Variants in CNTN1 observed in about 807,000 individuals in gnomAD.
The protein encoded by CNTN1 is contactin 1.
A neutral mutation model predicts 126.4 loss-of-function variants in CNTN1; 38 were observed. That is an observed-to-expected ratio of 0.30 (90% CI 0.23 to 0.39). CNTN1 has a LOEUF of 0.39. CNTN1 is among the 10% of genes least tolerant of loss of function. CNTN1 has a pLI of 1.00. For missense variants in CNTN1, 1,009 were observed against 1,248.4 expected, an observed-to-expected ratio of 0.81 and a Z score of 2.89; for synonymous variants, 413 against 422.6, an observed-to-expected ratio of 0.98 and a Z score of 0.28.
Position 41,043,892 on chromosome 12 carries a change from C to T in CNTN1, c.2980+14673C>T, listed in dbSNP as rs533581361. On this transcript the variant is annotated intron_variant, in intron 23 of 23. Coordinates refer to ENST00000551295, the MANE Select transcript of CNTN1 (RefSeq NM_001843.4). ...GAAATCATCATTCTCAGTAAACTAT[C>T]GCAAGGACAAAAAACCAAACACCGC... Among the ~76,000 whole-genome samples the T allele has an allele frequency of 4.8e-5, 7 of 147,282 alleles. No homozygotes were observed. The South Asian group carries it at 6.6e-4, about 14-fold the overall frequency.
intron 17 of CNTN1, among the ~76,000 whole-genome samples, chr12:41,010,797 A>C (rs1948628928): frequency 6.6e-6 from 1 of 152,006 alleles, no homozygotes; most frequent in South Asian, 2.1e-4. Flanking sequence ...AGGCCCTCCA[A>C]TATGTGCATT....
intron 1 of CNTN1, among the ~76,000 whole-genome samples, chr12:40,865,948 C>T (rs75755957): frequency 0.098 from 14,852 of 151,974 alleles, 853 homozygotes; most frequent in Non-Finnish European, 0.13. Flanking sequence ...TTCTGAACAA[C>T]GAACATAAGA....
chr12:41,060,184 C>CA (rs1308929949), intron 23 of CNTN1, among the ~76,000 whole-genome samples: 3 of 151,972 alleles, frequency 2.0e-5, no homozygotes, highest in Non-Finnish European at 4.4e-5. Flanking sequence ...CCAGTCTCCA[C>CA]AAAAAAAGAG....
intron 1 of CNTN1, among the ~76,000 whole-genome samples, chr12:40,866,921 CT>C (rs1178402034): frequency 6.6e-6 from 1 of 152,108 alleles, no homozygotes; most frequent in Non-Finnish European, 1.5e-5. Context: ...TTTGTGAAGT[CT>C]TTCTGTGCAG....
rs201821165 is a variant in CNTN1 at position 40,809,875 on chromosome 12, ACT to A, written c.-76-98479_-76-98478del. On this transcript the variant is annotated intron_variant, in intron 1 of 23. Transcript: ENST00000551295. ...AAAAGTCAAAACTCATTTGTAAATGACTCTATATATTTGGAGAATTTTACAAC... is the reference window on the plus strand; with the variant it reads ...AAAAGTCAAAACTCATTTGTAAATGACTATATATTTGGAGAATTTTACAAC... Among the ~76,000 whole-genome samples, 552 of 150,430 alleles carry A rather than the reference ACT, an allele frequency of 3.7e-3. 6 individuals are homozygous for A. The highest frequency in any genetic ancestry group is 0.013 in the African/African-American group (526 of 40,902).
intron 19 of CNTN1, among the ~76,000 whole-genome samples, chr12:41,019,171 A>T (rs1566156057): frequency 6.6e-6 from 1 of 152,164 alleles, no homozygotes; most frequent in Non-Finnish European, 1.5e-5. Flanking sequence ...ACAAAACAAA[A>T]CAACAATGAA....
chr12:40,774,766 C>A (rs1347462857), intron 1 of CNTN1, among the ~76,000 whole-genome samples: 1 of 145,558 alleles, frequency 6.9e-6, no homozygotes, highest in Non-Finnish European at 1.5e-5. Flanking sequence ...TACTTTTGGC[C>A]TTTTTTTTTT....
intron 1 of CNTN1, among the ~76,000 whole-genome samples, chr12:40,744,316 AAAAGAAC>A (rs1230985978): frequency 7.0e-6 from 1 of 142,826 alleles, no homozygotes; most frequent in African/African-American, 2.6e-5. Context: ...AAAAAAAAAT[AAAAGAAC>A]AAAACAAAAC....
chr12:40,723,491 A>G (rs944403400), intron 1 of CNTN1, among the ~76,000 whole-genome samples: 1 of 152,226 alleles, frequency 6.6e-6, no homozygotes, highest in Non-Finnish European at 1.5e-5. Flanking sequence ...ATATGGCTAT[A>G]TAAATGTTCA....
At chr12:40,860,541 G>A (rs1466374759) in intron 1 of CNTN1, among the ~76,000 whole-genome samples, 3 of 151,380 alleles carry the variant, frequency 2.0e-5, no homozygotes, top group Non-Finnish European at 2.9e-5. Context: ...AGGCTCCCAC[G>A]ACATCTTACA....
chr12:40,913,059 A>G (rs942569937), intron 3 of CNTN1, among the ~76,000 whole-genome samples: 2 of 152,230 alleles, frequency 1.3e-5, no homozygotes, highest in African/African-American at 2.4e-5. Flanking sequence ...GAGAGATGTG[A>G]CAGGCTCCCC....
intron 1 of CNTN1, among the ~76,000 whole-genome samples, chr12:40,771,874 C>A (rs959603816): frequency 5.3e-5 from 8 of 151,996 alleles, no homozygotes; most frequent in Admixed American, 5.2e-4. Context: ...TGGTCTTGAT[C>A]TGCACCCTCT....
intron 1 of CNTN1, among the ~76,000 whole-genome samples, chr12:40,782,437 T>A (rs1939840471): frequency 6.6e-6 from 1 of 151,946 alleles, no homozygotes; most frequent in Admixed American, 6.6e-5. Flanking sequence ...ATGCAACTGA[T>A]CTTCTATAGA....
rs577109538 is a variant in CNTN1, at chr12:40,718,754, A to C, written c.-77+26162A>C. 2.2e-3 allele frequency among the ~76,000 whole-genome samples: 330 copies of C among 152,334 alleles called. 2 individuals carry two copies. Among genetic ancestry groups the C allele is most frequent in the Non-Finnish European group, 7.4e-4 (50 of 68,014 alleles). ...CAAGTGAGGTTACAAGTTTAGAGTC[A>C]ATAAGTGATAGGGCTGGGATTCTGA... On this transcript the variant is annotated intron_variant, in intron 1 of 23. Coordinates refer to ENST00000551295, the MANE Select transcript of CNTN1 (RefSeq NM_001843.4).
chr12:40,771,185 A>G (rs1939323257), intron 1 of CNTN1, among the ~76,000 whole-genome samples: 1 of 152,092 alleles, frequency 6.6e-6, no homozygotes, highest in African/African-American at 2.4e-5. Flanking sequence ...TTCTGCTACA[A>G]TTAGAGAAAA....
intron 1 of CNTN1, among the ~76,000 whole-genome samples, chr12:40,707,227 C>CTTTTCTTTTTTTTTTTTTTTTTTTTTT (rs1941782316): frequency 9.2e-6 from 1 of 109,166 alleles, no homozygotes; most frequent in African/African-American, 3.8e-5. Context: ...TTTTCTTTTT[C>CTTTTCTTTTTTTTTTTTTTTTTTTTTT]TTTTTTTTTT....
At chr12:40,782,832 A>T (rs1353636870) in intron 1 of CNTN1, among the ~76,000 whole-genome samples, 6 of 151,994 alleles carry the variant, frequency 3.9e-5, no homozygotes, top group African/African-American at 1.4e-4. Flanking sequence ...AAAAAAATTT[A>T]AAATGACGAA....
At chr12:41,022,937 A>G (rs1948953380) in intron 20 of CNTN1, among the ~76,000 whole-genome samples, 2 of 152,162 alleles carry the variant, frequency 1.3e-5, no homozygotes, top group Non-Finnish European at 2.9e-5. Flanking sequence ...GGTCTTGGAT[A>G]TCAAAGAGAC....
chr12:40,932,990 C>T lies in CNTN1; in HGVS notation c.704-471C>T, dbSNP rs150869992. 5.3e-5 allele frequency among the ~76,000 whole-genome samples: 8 copies of T among 150,430 alleles called. No individual in the cohort carries two copies. In the South Asian group the frequency reaches 1.7e-3, roughly 32 times the overall value. On this transcript the variant is annotated intron_variant, in intron 7 of 23. Transcript: ENST00000551295. ...GTCTGAGTAAATGTTTTCCTTCTTT[C>T]CCTCTCTCCTTCTCTCTTTTCAATT...
Sources: gnomAD v4.1 joint callset for allele counts (sites outside exome capture counted in the v4.1 genomes callset) on GRCh38, gnomAD v4.1.1 for gene constraint, MANE v1.5 for transcripts, NCBI Gene and HGNC (gene_info 2026-07-23, HGNC 2026-07-21) for gene names.